The following SPECC1 variants were observed in gnomAD, a reference collection of about 807,000 sequenced individuals.
The protein encoded by SPECC1 is sperm antigen with calponin homology and coiled-coil domains 1.
In SPECC1, 62 loss-of-function variants were observed where a neutral mutation model predicts 104.1. The observed-to-expected ratio is 0.60, with a 90% CI of 0.49 to 0.74. The LOEUF is 0.74. Among genes scored for constraint, SPECC1 ranks in the 30% least tolerant of loss-of-function variants. SPECC1 has a pLI of 0.00. For synonymous variants in SPECC1, 513 were observed against 501.6 expected (o/e 1.02, Z -0.30); for missense variants, 1,306 against 1,310.5 (o/e 1.00, Z 0.05).
chr17:20,311,704 G>A (rs1210260401), intron 14 of SPECC1, among the ~76,000 whole-genome samples: 1 of 152,146 alleles, frequency 6.6e-6, no homozygotes, highest in Non-Finnish European at 1.5e-5. Flanking sequence ...AGATGAGAAA[G>A]GACATCCTTG....
intron 1 of SPECC1, chr17:20,010,236 C>G (rs986129366): frequency 1.3e-5 from 2 of 149,574 alleles, no homozygotes; most frequent in African/African-American, 5.0e-5. Flanking sequence ...ATGTAATAAG[C>G]GGCATACAGT....
intron 3 of SPECC1, among the ~76,000 whole-genome samples, chr17:20,138,456 C>T (rs781006153): frequency 3.3e-5 from 5 of 152,122 alleles, no homozygotes; most frequent in South Asian, 2.1e-4. Context: ...TATAATGCCA[C>T]GTATCGGCAA....
intron 1 of SPECC1, among the ~76,000 whole-genome samples, chr17:20,094,340 C>T (rs781403340): frequency 4.6e-5 from 7 of 152,136 alleles, no homozygotes; most frequent in Non-Finnish European, 8.8e-5. Context: ...GCTGCGTGTT[C>T]GTCAGGGGCA....
intron 3 of SPECC1, among the ~76,000 whole-genome samples, chr17:20,147,157 C>T (rs527293279): frequency 1.8e-4 from 27 of 150,978 alleles, no homozygotes; most frequent in Admixed American, 4.6e-4. Context: ...CCGCAGGCTC[C>T]GCCTCCTGGG....
At chr17:20,230,319 G>A (rs148040845) in intron 5 of SPECC1, among the ~76,000 whole-genome samples, 40 of 152,324 alleles carry the variant, frequency 2.6e-4, no homozygotes, top group African/African-American at 9.4e-4. Flanking sequence ...GTTGGTTAGA[G>A]TGACAGTTGA....
intron 4 of SPECC1, among the ~76,000 whole-genome samples, chr17:20,210,475 T>C (rs2037065846): frequency 6.6e-6 from 1 of 152,226 alleles, no homozygotes; most frequent in African/African-American, 2.4e-5. Context: ...GGCAGGCATG[T>C]CACCTGGACA....
chr17:20,023,068 A>G (rs987123291), intron 1 of SPECC1, among the ~76,000 whole-genome samples: 8 of 152,228 alleles, frequency 5.3e-5, no homozygotes, highest in African/African-American at 1.4e-4. Flanking sequence ...TTGCATATGA[A>G]CAAGAGTTCT....
Position 20,110,334 on chromosome 17 carries a change from G to A in SPECC1, c.148-93G>A, listed in dbSNP as rs925662705. ...GCTGTTATTGTATCTTGACTGCTGG[G>A]CACATAGCCCAGCTCCCATGCTCTG... On this transcript the variant is annotated intron_variant, in intron 2 of 14. Coordinates refer to ENST00000395527, the MANE Select transcript of SPECC1 (RefSeq NM_001243439.2). 4 of 1,430,058 alleles carry A rather than the reference G, an allele frequency of 2.8e-6. No individual in the cohort carries two copies. The African/African-American group carries it at 4.3e-5, about 15-fold the overall frequency. 88.6% of individuals were successfully genotyped at this position (1,430,058 alleles called of 1,614,324 possible). A position where few individuals can be genotyped will look rare whatever the true frequency, so the allele number is the denominator to read the frequency against.
intron 3 of SPECC1, among the ~76,000 whole-genome samples, chr17:20,113,334 A>G (rs1246843618): frequency 1.3e-5 from 2 of 152,140 alleles, no homozygotes; most frequent in Non-Finnish European, 2.9e-5. Flanking sequence ...TTGGTTTGAG[A>G]TGCATTTGAG....
chr17:20,044,239 A>G (rs1005200032), intron 1 of SPECC1, among the ~76,000 whole-genome samples: 1 of 152,054 alleles, frequency 6.6e-6, no homozygotes, highest in African/African-American at 2.4e-5. Flanking sequence ...GAAGCATTTT[A>G]TTGGCTTCAG....
chr17:20,215,065 C>T (rs1446969987), intron 4 of SPECC1, among the ~76,000 whole-genome samples: 1 of 152,240 alleles, frequency 6.6e-6, no homozygotes, highest in African/African-American at 2.4e-5. Context: ...CAGCAACTGC[C>T]GATGCAGCCA....
chr17:20,037,351 A>G (rs564034664), intron 1 of SPECC1, among the ~76,000 whole-genome samples: 11 of 151,812 alleles, frequency 7.2e-5, no homozygotes, highest in African/African-American at 2.7e-4. Context: ...GGGTTTTACC[A>G]TGTTGGCCAG....
rs1281535367 is a variant in SPECC1 at position 20,318,550 on chromosome 17, C to G, written c.*4485C>G. The G allele has an allele frequency of 1.3e-5, 3 of 229,884 alleles. No individual in the cohort carries two copies. The highest frequency in any genetic ancestry group is 6.7e-5 in the African/African-American group (3 of 45,078). 14.2% of individuals were successfully genotyped at this position (229,884 alleles called of 1,614,324 possible). On this transcript the variant is annotated 3_prime_UTR_variant, in exon 15 of 15. Transcript: ENST00000395527. ...GTTACGGAGACTCCCTTAGCCTCCC[C>G]CTCCTCTTCCCCACTGAGGGGCAGC...
At chr17:20,222,930 G>T (rs1273427598) in intron 4 of SPECC1, among the ~76,000 whole-genome samples, 2 of 152,124 alleles carry the variant, frequency 1.3e-5, no homozygotes, top group African/African-American at 4.8e-5. Context: ...CCACTGAGAA[G>T]TCTGCTCCTT....
chr17:20,294,591 G>A (rs2041280412), intron 12 of SPECC1, among the ~76,000 whole-genome samples: 1 of 151,780 alleles, frequency 6.6e-6, no homozygotes, highest in Non-Finnish European at 1.5e-5. Flanking sequence ...GATGACGGTG[G>A]TGGGGATGAT....
chr17:20,219,809 GT>G (rs990033254), intron 4 of SPECC1, among the ~76,000 whole-genome samples: 1 of 152,072 alleles, frequency 6.6e-6, no homozygotes, highest in African/African-American at 2.4e-5. Flanking sequence ...AGTTTTCATA[GT>G]TTGAGGTCTT....
intron 4 of SPECC1, among the ~76,000 whole-genome samples, chr17:20,209,821 C>CAGAA (rs2037019630): frequency 6.6e-6 from 1 of 152,084 alleles, no homozygotes; most frequent in African/African-American, 2.4e-5. Flanking sequence ...TTTACCTTTT[C>CAGAA]AGTTGTTTGG....
chr17:20,265,642 G>C (rs1181930173), intron 12 of SPECC1, among the ~76,000 whole-genome samples: 1 of 152,074 alleles, frequency 6.6e-6, no homozygotes, highest in Admixed American at 6.6e-5. Flanking sequence ...CTTGCTTTTG[G>C]GGACTTAGCC....
At chr17:20,160,890 ATAC>A (rs1470327459) in intron 3 of SPECC1, among the ~76,000 whole-genome samples, 1 of 152,342 alleles carries the variant, frequency 6.6e-6, no homozygotes, top group East Asian at 1.9e-4. Context: ...TCTGCAAGTC[ATAC>A]TTAAATTTTC....
Sources: gnomAD v4.1 joint callset for allele counts (sites outside exome capture counted in the v4.1 genomes callset) on GRCh38, gnomAD v4.1.1 for gene constraint, MANE v1.5 for transcripts, NCBI Gene and HGNC (gene_info 2026-07-23, HGNC 2026-07-21) for gene names.